The following GNAO1 variants were observed in gnomAD, a reference collection of about 807,000 sequenced individuals.
GNAO1 encodes guanine nucleotide-binding protein G(o) subunit alpha.
For missense variants in GNAO1, 166 were observed against 478.7 expected (o/e 0.35, Z 6.10); for synonymous variants, 164 against 180.7 (o/e 0.91, Z 0.74).
chr16:56,302,421 T>C (rs1460460958), intron 3 of GNAO1: 1 of 152,434 alleles, frequency 6.6e-6, no homozygotes, highest in African/African-American at 2.4e-5. Context: ...AGCAGTTCTA[T>C]GGGCCCCTCC....
intron 2 of GNAO1, among the ~76,000 whole-genome samples, chr16:56,251,844 G>A (rs1436444610): frequency 1.3e-5 from 2 of 152,176 alleles, no homozygotes; most frequent in African/African-American, 2.4e-5. Context: ...CAGCGAGGCT[G>A]CCATCTTCCC....
In GNAO1 at chr16:56,351,655, A is replaced by G; in HGVS notation, c.877+118A>G. ...CTAGCTGGCGAGCGGGACCCATTGC[A>G]GGAGACTGGTGGGGCGCAAAAGAAA... On this transcript the variant is annotated intron_variant, in intron 7 of 8. Coordinates refer to ENST00000262493, the MANE Select transcript of GNAO1 (RefSeq NM_020988.3). The surrounding 1 kb of genome is among the most constrained non-coding windows in gnomAD (Gnocchi z 6.1). The G allele has an allele frequency of 2.6e-6, 2 of 762,014 alleles. No homozygotes were observed. The highest frequency in any genetic ancestry group is 2.5e-5 in the Admixed American group (1 of 40,394). 47.2% of individuals were successfully genotyped at this position (762,014 alleles called of 1,614,324 possible). A position where few individuals can be genotyped will look rare whatever the true frequency, so the allele number is the denominator to read the frequency against.
chr16:56,238,241 C>T (rs1249838749), intron 2 of GNAO1, among the ~76,000 whole-genome samples: 3 of 152,154 alleles, frequency 2.0e-5, no homozygotes, highest in Non-Finnish European at 4.4e-5. Flanking sequence ...GTCTGACAGC[C>T]TCTGAGGTAC....
intron 2 of GNAO1, among the ~76,000 whole-genome samples, chr16:56,236,129 T>C (rs2036635101): frequency 6.6e-6 from 1 of 152,190 alleles, no homozygotes; most frequent in Non-Finnish European, 1.5e-5. Context: ...TCTGAGATCT[T>C]TCCTAAAGAT....
At chr16:56,258,280 GC>G (rs2036871325) in intron 2 of GNAO1, among the ~76,000 whole-genome samples, 1 of 152,178 alleles carries the variant, frequency 6.6e-6, no homozygotes, top group Admixed American at 6.5e-5. Context: ...TGAGATGGTG[GC>G]CAAGTAGTCA....
At chr16:56,347,163 C>G (rs1003220918) in intron 6 of GNAO1, 1 of 985,350 alleles carries the variant, frequency 1.0e-6, no homozygotes, top group Admixed American at 6.1e-5. Flanking sequence ...CTGCCCTCCT[C>G]CTTTTCAAGA....
chr16:56,201,431 C>T (rs1338251263), intron 2 of GNAO1, among the ~76,000 whole-genome samples: 1 of 152,166 alleles, frequency 6.6e-6, no homozygotes, highest in African/African-American at 2.4e-5. Context: ...AAAGATTGGA[C>T]AGAAACCAGA....
rs1251434657 is a variant in GNAO1 at position 56,357,074 on chromosome 16, A to G, written c.*1000A>G. ...CAAGATGGAAAAAAAAAACAAAAAA[A>G]TTTAAAAAGATGGAATGTAGTGTTT... On this transcript the variant is annotated 3_prime_UTR_variant, in exon 9 of 9. Coordinates refer to ENST00000262493, the MANE Select transcript of GNAO1 (RefSeq NM_020988.3). The G allele has an allele frequency of 2.0e-5, 3 of 152,312 alleles. No homozygotes were observed. The highest frequency in any genetic ancestry group is 4.4e-5 in the Non-Finnish European group (3 of 67,976). The allele number at this position is 152,312 out of a possible 1,614,324, so 9.4% of individuals were successfully genotyped here. A position where few individuals can be genotyped will look rare whatever the true frequency, so the allele number is the denominator to read the frequency against.
intron 2 of GNAO1, among the ~76,000 whole-genome samples, chr16:56,222,908 C>T (rs997092932): frequency 3.9e-5 from 6 of 152,122 alleles, no homozygotes; most frequent in African/African-American, 1.2e-4. Flanking sequence ...ATCACCTGTG[C>T]ACCCTGCGAG....
At chr16:56,258,515 C>G (rs1439707836) in intron 2 of GNAO1, among the ~76,000 whole-genome samples, 1 of 152,184 alleles carries the variant, frequency 6.6e-6, no homozygotes, top group Non-Finnish European at 1.5e-5. Flanking sequence ...GCACACCACC[C>G]AGAGCAGAAA....
intron 2 of GNAO1, among the ~76,000 whole-genome samples, chr16:56,218,669 C>T (rs1208715890): frequency 6.6e-6 from 1 of 152,150 alleles, no homozygotes; most frequent in Admixed American, 6.5e-5. Flanking sequence ...ATTGCCATGT[C>T]TCTCTCTATG....
intron 3 of GNAO1, among the ~76,000 whole-genome samples, chr16:56,298,764 A>T (rs2037312395): frequency 6.6e-6 from 1 of 152,010 alleles, no homozygotes; most frequent in Admixed American, 6.6e-5. Flanking sequence ...ATACAAAAAA[A>T]ATTAACTGGG....
chr16:56,347,276 T>A, intron 6 of GNAO1: 1 of 985,386 alleles, frequency 1.0e-6, no homozygotes, highest in Non-Finnish European at 1.2e-6. Context: ...GACCTGAGGC[T>A]CCAGCTCCGC....
chr16:56,200,955 A>G (rs1288268286), intron 2 of GNAO1, among the ~76,000 whole-genome samples: 1 of 152,230 alleles, frequency 6.6e-6, no homozygotes, highest in Non-Finnish European at 1.5e-5. Context: ...GTCTTGGAGA[A>G]CTATGGAAAG....
At chr16:56,281,233 G>A (rs534296378) in intron 3 of GNAO1, among the ~76,000 whole-genome samples, 1 of 152,114 alleles carries the variant, frequency 6.6e-6, no homozygotes, top group Non-Finnish European at 1.5e-5. Context: ...GGCACAGTAT[G>A]ATGAGGTAAA....
At chr16:56,230,584 G>C (rs1165830770) in intron 2 of GNAO1, among the ~76,000 whole-genome samples, 2 of 152,076 alleles carry the variant, frequency 1.3e-5, no homozygotes, top group Admixed American at 1.3e-4. Context: ...CCTGTGTTCT[G>C]GTGTGGTATG....
At position 56,328,637 on chromosome 16, in the gene GNAO1, G is replaced by A. The variant is rs375429245; in HGVS notation, c.310G>A (p.Ala104Thr). Residue 104 changes from alanine (A) to threonine (T), a missense_variant, in exon 4 of 9, where the codon GCC becomes ACC. Physicochemically the swap from Ala to Thr is moderately conservative, Grantham distance 58. Coordinates refer to ENST00000262493, the MANE Select transcript of GNAO1 (RefSeq NM_020988.3). ...CATCCACCTCTCCTCACAGGCTGAC[G>A]CCAAGATGGTGTGTGATGTGGTGAG... Reference protein sequence around the residue: ...EYGDKERKADAKMVCDVVSRM... With the variant: ...EYGDKERKADTKMVCDVVSRM... The A allele has an allele frequency of 8.7e-6, 14 of 1,613,762 alleles. No homozygotes were observed. Among genetic ancestry groups the A allele is most frequent in the Middle Eastern group, 1.6e-4 (1 of 6,082 alleles).
At chr16:56,346,943 G>C in intron 6 of GNAO1, 1 of 985,378 alleles carries the variant, frequency 1.0e-6, no homozygotes, top group Non-Finnish European at 1.2e-6. Flanking sequence ...CCTGCAGTGG[G>C]GAGCTTAGCC....
At chr16:56,238,747 A>G (rs910363845) in intron 2 of GNAO1, among the ~76,000 whole-genome samples, 3 of 152,258 alleles carry the variant, frequency 2.0e-5, no homozygotes, top group Non-Finnish European at 2.9e-5. Context: ...TACACAATTA[A>G]TGCTTATTTC....
Sources: gnomAD v4.1 joint callset for allele counts (sites outside exome capture counted in the v4.1 genomes callset) on GRCh38, gnomAD v4.1.1 for gene constraint, Gnocchi (gnomAD v3.1) non-coding constraint, MANE v1.5 for transcripts, NCBI Gene and HGNC (gene_info 2026-07-23, HGNC 2026-07-21) for gene names.